DCAF6: variants seen among roughly 807,000 people sequenced by gnomAD.
DCAF6 encodes DDB1 and CUL4 associated factor 6, also known as DDB1- and CUL4-associated factor 6.
In DCAF6, 54 loss-of-function variants were observed where a neutral mutation model predicts 125.1. The observed-to-expected ratio is 0.43, with a 90% CI of 0.35 to 0.54. The LOEUF is 0.54. DCAF6 is among the 20% of genes least tolerant of loss of function. DCAF6 has a pLI of 0.01. For synonymous variants in DCAF6, 371 were observed against 390.4 expected (o/e 0.95, Z 0.58); for missense variants, 934 against 1,161.7 (o/e 0.80, Z 2.85).
intron 4 of DCAF6, among the ~76,000 whole-genome samples, chr1:167,979,887 AAAAT>A (rs1269027912): frequency 1.3e-5 from 2 of 150,582 alleles, no homozygotes; most frequent in Non-Finnish European, 3.0e-5. Flanking sequence ...ACTCTGTCTC[AAAAT>A]AAATAAACAG....
chr1:168,067,802 C>A (rs1345531809), intron 20 of DCAF6, among the ~76,000 whole-genome samples: 1 of 151,874 alleles, frequency 6.6e-6, no homozygotes, highest in African/African-American at 2.4e-5. Flanking sequence ...CCACTTTTTT[C>A]CTTTGCTCAT....
Position 168,015,779 on chromosome 1 carries a change from A to C in DCAF6, c.1379-2A>C. The C allele has an allele frequency of 1.4e-6, 2 of 1,475,922 alleles. No homozygotes were observed. The highest frequency in any genetic ancestry group is 1.8e-6 in the Non-Finnish European group (2 of 1,109,136). The allele number at this position is 1,475,922 out of a possible 1,614,324, so 91.4% of individuals were successfully genotyped here. Reference sequence around the variant, plus strand: ...TCACCTTTCTTTTCCTATTTGTGTCAGAATTTTTAAGGGGCCCTGAGATAG... The same window carrying C: ...TCACCTTTCTTTTCCTATTTGTGTCCGAATTTTTAAGGGGCCCTGAGATAG... On this transcript the variant is annotated splice_acceptor_variant, in intron 10 of 21. Coordinates refer to ENST00000367840, the MANE Select transcript of DCAF6 (RefSeq NM_001198956.2). LOFTEE classifies it high-confidence loss of function.
intron 18 of DCAF6, chr1:168,064,079 A>ATTTTTTT (rs11295034): frequency 1.1e-5 from 1 of 92,444 alleles, no homozygotes; most frequent in African/African-American, 4.5e-5. Flanking sequence ...TTTCTGGTGG[A>ATTTTTTT]TTTTTTTTTT....
At chr1:168,023,184 A>G in intron 12 of DCAF6, 137 bp downstream of exon 12, 1 of 857,066 alleles carries the variant, frequency 1.2e-6, no homozygotes, top group Non-Finnish European at 1.9e-6. Context: ...ACCAAATTAC[A>G]ATAGGTGGTA....
At chr1:167,873,495 CT>C in the DCAF6 span, among the ~76,000 whole-genome samples, 1 of 152,144 alleles carries the variant, frequency 6.6e-6, no homozygotes, top group East Asian at 1.9e-4. Flanking sequence ...TATGATAAGA[CT>C]TTTGGGGATG....
chr1:168,035,810 C>T (rs891587271), intron 12 of DCAF6, among the ~76,000 whole-genome samples: 56 of 152,128 alleles, frequency 3.7e-4, no homozygotes, highest in Admixed American at 1.2e-3. Context: ...TGCCTGTAAT[C>T]CCAGCACTTT....
chr1:167,973,936 C>A (rs900758405), intron 3 of DCAF6, among the ~76,000 whole-genome samples: 1 of 152,022 alleles, frequency 6.6e-6, no homozygotes. Flanking sequence ...TAAGCACATA[C>A]GTAGTTTTGT....
rs1678253633 is a variant in DCAF6, at chr1:167,976,782, A to G, written c.438+1767A>G. ...GGTTTACTGTTAGTGTTGTTTGTTT[A>G]GATTTACCTGCATATTTACTAATAC... On this transcript the variant is annotated intron_variant, in intron 4 of 21. Coordinates refer to ENST00000367840, the MANE Select transcript of DCAF6 (RefSeq NM_001198956.2). Among the ~76,000 whole-genome samples the G allele has an allele frequency of 5.4e-5, 8 of 148,076 alleles. No homozygotes were observed. The South Asian group carries it at 1.7e-3, about 32-fold the overall frequency.
At chr1:167,925,480 T>TACAC in the DCAF6 span, among the ~76,000 whole-genome samples, 6 of 134,898 alleles carry the variant, frequency 4.4e-5, no homozygotes, top group African/African-American at 1.7e-4. Context: ...TATATACATA[T>TACAC]ACATATACAC....
chr1:168,050,642 G>A (rs568673348), intron 16 of DCAF6, among the ~76,000 whole-genome samples: 1 of 152,258 alleles, frequency 6.6e-6, no homozygotes, highest in South Asian at 2.1e-4. Context: ...TTATTTAAAA[G>A]ATAAAAGGGA....
At chr1:168,053,631 C>A (rs1348097830) in intron 17 of DCAF6, among the ~76,000 whole-genome samples, 1 of 152,198 alleles carries the variant, frequency 6.6e-6, no homozygotes. Context: ...CAATAAAATA[C>A]AGTAATACTT....
chr1:168,041,342 T>C (rs1688506657), intron 13 of DCAF6, among the ~76,000 whole-genome samples: 1 of 152,084 alleles, frequency 6.6e-6, no homozygotes. Flanking sequence ...CCATTTGTCT[T>C]TCATTTGTTG....
intron 4 of DCAF6, among the ~76,000 whole-genome samples, chr1:167,986,249 T>G (rs1679991011): frequency 6.6e-6 from 1 of 152,202 alleles, no homozygotes; most frequent in African/African-American, 2.4e-5. Flanking sequence ...AGGAGAAGCA[T>G]ATGATCAGCT....
Position 168,075,425 on chromosome 1 carries a change from A to T in DCAF6, c.2846A>T (p.Asp949Val). ...EGSGQENENEDEE is the reference protein window; with the variant it reads ...EGSGQENENEVEE ...TCTGGTCAAGAGAATGAAAATGAGG[A>T]TGAGGAATAATAAACTCTTTTTGGC... The change falls in exon 22 of 22, where the codon GAT (aspartate) becomes GTT (valine). Residue 949 changes from aspartate (D) to valine (V), a missense_variant. Asp to Val is a radical substitution (Grantham distance 152). Transcript: ENST00000367840. The T allele has an allele frequency of 2.5e-6, 4 of 1,599,430 alleles. No homozygotes were observed. The highest frequency in any genetic ancestry group is 3.4e-6 in the Non-Finnish European group (4 of 1,176,032).
intron 17 of DCAF6, among the ~76,000 whole-genome samples, chr1:168,053,867 A>G (rs1207721040): frequency 1.3e-5 from 2 of 152,208 alleles, no homozygotes; most frequent in African/African-American, 2.4e-5. Context: ...GTAACATGCC[A>G]AAAGTCAAGT....
At chr1:167,900,453 G>A in the DCAF6 span, among the ~76,000 whole-genome samples, 3 of 152,060 alleles carry the variant, frequency 2.0e-5, no homozygotes, top group Admixed American at 1.3e-4. Flanking sequence ...TAACACATCA[G>A]ACTCCTTGGG....
At chr1:167,889,451 T>TTTTTTTTTTTTTTTTTTTTTTG in the DCAF6 span, among the ~76,000 whole-genome samples, 1 of 151,856 alleles carries the variant, frequency 6.6e-6, no homozygotes, top group African/African-American at 2.4e-5. Context: ...ATGATCTTTT[T>TTTTTTTTTTTTTTTTTTTTTTG]AATATGTTGT....
At chr1:168,047,601 T>G (rs969002629) in intron 16 of DCAF6, among the ~76,000 whole-genome samples, 2 of 152,040 alleles carry the variant, frequency 1.3e-5, no homozygotes, top group African/African-American at 4.8e-5. Flanking sequence ...ATTCTTATCC[T>G]TCAAGAAACT....
chr1:167,990,858 TCTTA>T (rs1046794641), intron 5 of DCAF6, among the ~76,000 whole-genome samples: 6 of 152,318 alleles, frequency 3.9e-5, no homozygotes, highest in South Asian at 2.1e-4. Context: ...TCATATTTTT[TCTTA>T]CTTTAATTGG....
Sources: allele counts gnomAD v4.1 joint callset (sites outside exome capture counted in the v4.1 genomes callset), GRCh38; gene constraint gnomAD v4.1.1; transcripts MANE v1.5; gene names NCBI Gene and HGNC (gene_info 2026-07-23, HGNC 2026-07-21).